Variants in TWF1 observed in about 807,000 individuals in gnomAD.
TWF1 encodes the protein twinfilin actin binding protein 1.
A neutral mutation model predicts 47.9 loss-of-function variants in TWF1; 14 were observed. The observed-to-expected ratio is 0.29, with a 90% CI of 0.19 to 0.46. TWF1 has a LOEUF of 0.46. TWF1 is among the 20% of genes least tolerant of loss of function. The probability of loss-of-function intolerance (pLI) is 1.00; values close to 1 mark genes in which losing one functional copy is unlikely to be tolerated. For missense variants in TWF1, 281 were observed against 409.3 expected, an observed-to-expected ratio of 0.69 and a Z score of 2.70; for synonymous variants, 96 against 139.2, an observed-to-expected ratio of 0.69 and a Z score of 2.18.
In TWF1 at chr12:43,797,442, A is replaced by T. The variant is rs376826751; in HGVS notation, c.620T>A (p.Ile207Lys). The change falls in exon 7 of 9, where the codon ATA (isoleucine) becomes AAA (lysine). Residue 207 changes from isoleucine (I) to lysine (K), a missense_variant. Coordinates refer to ENST00000395510, the MANE Select transcript of TWF1 (RefSeq NM_002822.5). ...GGCCAAAATTATAATTTCATTTTTT[A>T]TATCTATTTCCTGCCAATAAGAAAC... ...QLNYVQLEID[I>K]KNEIIILANT... is the part of the protein sequence containing the mutation. 3.1e-5 allele frequency: 49 copies of T among 1,590,232 alleles called. No homozygotes were observed. The highest frequency in any genetic ancestry group is 3.6e-5 in the Non-Finnish European group (42 of 1,167,468).
At chr12:43,798,357 T>G (rs1179946179) in intron 5 of TWF1, among the ~76,000 whole-genome samples, 1 of 152,110 alleles carries the variant, frequency 6.6e-6, no homozygotes, top group Non-Finnish European at 1.5e-5. Flanking sequence ...GGTGTGCATG[T>G]ACTGGAAGAG....
intron 5 of TWF1, chr12:43,798,701 T>C (rs1942603907): frequency 8.7e-7 from 1 of 1,151,318 alleles, no homozygotes; most frequent in South Asian, 1.6e-5. Context: ...TGCTACCAGT[T>C]TAATATTAAA....
intron 1 of TWF1, chr12:43,805,879 C>G (rs369068734): frequency 2.8e-6 from 4 of 1,446,528 alleles, no homozygotes; most frequent in Non-Finnish European, 3.7e-6. Flanking sequence ...ACTGTCCCAG[C>G]TCTTCCCTAC....
chr12:43,795,543 G>A lies in TWF1; in HGVS notation c.*42C>T, dbSNP rs1266925514. On this transcript the variant is annotated 3_prime_UTR_variant, in exon 9 of 9. Coordinates refer to ENST00000395510, the MANE Select transcript of TWF1 (RefSeq NM_002822.5). The stretch of plus-strand genomic sequence containing the variant: ...TTCAGTTCTCCTGTACTAAAAGCTG[G>A]ACTTTTAAAAAACTAGTATTACAAT... 1 of 1,572,036 alleles carries A rather than the reference G, an allele frequency of 6.4e-7. No homozygotes were observed.
At chr12:43,805,473 G>A in intron 1 of TWF1, 1 of 450,078 alleles carries the variant, frequency 2.2e-6, no homozygotes, top group South Asian at 1.6e-5. Flanking sequence ...CTCGTTAAGT[G>A]ATCGCGAGTA....
chr12:43,806,105 G>T, intron 1 of TWF1, 116 bp downstream of exon 1: 1 of 1,522,544 alleles, frequency 6.6e-7, no homozygotes, highest in African/African-American at 1.4e-5. Context: ...CTCGCCCCGC[G>T]AGACCGACTT....
intron 2 of TWF1, among the ~76,000 whole-genome samples, chr12:43,803,365 T>A (rs1942697586): frequency 6.6e-6 from 1 of 152,056 alleles, no homozygotes; most frequent in Non-Finnish European, 1.5e-5. Flanking sequence ...AGCAAAATTG[T>A]TTAAAGGGGA....
At chr12:43,797,918 G>A in intron 5 of TWF1, 85 bp from the exon 6 acceptor site, 6 of 1,405,068 alleles carry the variant, frequency 4.3e-6, no homozygotes, top group Middle Eastern at 1.8e-4. Context: ...CTATAAAATA[G>A]TATCATTCAA....
rs1942644448 is a variant in TWF1, at chr12:43,800,705, A to G, written c.283-175T>C. On this transcript the variant is annotated intron_variant, in intron 3 of 8. Coordinates refer to ENST00000395510, the MANE Select transcript of TWF1 (RefSeq NM_002822.5). ...ACAAATAACCGTCATTAACATGGGC[A>G]TCTAAACTATCAATGGTTAGTAAGA... is the stretch of plus-strand genomic sequence containing the variant. 2.0e-5 allele frequency among the ~76,000 whole-genome samples: 3 copies of G among 152,236 alleles called. No homozygotes were observed. The South Asian group carries it at 6.2e-4, about 31-fold the overall frequency.
At chr12:43,805,884 C>G (rs1212270093) in intron 1 of TWF1, 2 of 1,453,884 alleles carry the variant, frequency 1.4e-6, no homozygotes, top group Non-Finnish European at 1.8e-6. Flanking sequence ...CCCAGCTCTT[C>G]CCTACGTGAC....
chr12:43,802,535 G>A, intron 2 of TWF1, 71 bp from the exon 3 acceptor site: 2 of 1,117,024 alleles, frequency 1.8e-6, no homozygotes, highest in Non-Finnish European at 2.6e-6. Context: ...ATGAAGACTA[G>A]AAAAATAAAT....
At chr12:43,799,584 T>C (rs1345462316) in intron 4 of TWF1, 82 bp from the exon 5 acceptor site, 5 of 659,612 alleles carry the variant, frequency 7.6e-6, no homozygotes, top group Non-Finnish European at 1.2e-5. Context: ...AACAAAATCA[T>C]TAACAGAAAA....
In TWF1 at chr12:43,804,527, T is replaced by G; in HGVS notation, c.71A>C (p.Lys24Thr). The G allele has an allele frequency of 1.2e-6, 2 of 1,602,098 alleles. No individual in the cohort carries two copies. The highest frequency in any genetic ancestry group is 1.7e-6 in the Non-Finnish European group (2 of 1,175,154). The change falls in exon 2 of 9, where the codon AAG (lysine) becomes ACG (threonine). Residue 24 changes from lysine (K) to threonine (T), a missense_variant. Coordinates refer to ENST00000395510, the MANE Select transcript of TWF1 (RefSeq NM_002822.5). ...AATAGATATTTTCAGAAGTCTGTACTTTCCATTTCTGGCTCTGGCAAAGAT... is the reference window on the plus strand; with the variant it reads ...AATAGATATTTTCAGAAGTCTGTACGTTCCATTTCTGGCTCTGGCAAAGAT... ...KEIFARARNG[K>T]YRLLKISIEN...
chr12:43,802,516 G>T, intron 2 of TWF1, 52 bp from the exon 3 acceptor site: 1 of 1,331,322 alleles, frequency 7.5e-7, no homozygotes, highest in Non-Finnish European at 1.1e-6. Flanking sequence ...GATATCAAGT[G>T]GTAGTGTGAT....
At chr12:43,798,315 C>T (rs1190534409) in intron 5 of TWF1, among the ~76,000 whole-genome samples, 1 of 152,024 alleles carries the variant, frequency 6.6e-6, no homozygotes, top group Non-Finnish European at 1.5e-5. Flanking sequence ...TGCAGAAGTT[C>T]CAGACTTAAG....
chr12:43,806,173 G>GGCTCTCCCA (rs1942767484), intron 1 of TWF1, 48 bp downstream of exon 1: 6 of 1,537,380 alleles, frequency 3.9e-6, no homozygotes, highest in Non-Finnish European at 5.2e-6. Context: ...CGGCTCTCCC[G>GGCTCTCCCA]GCTCTCCCGG....
At chr12:43,800,827 T>G (rs1393389301) in intron 3 of TWF1, among the ~76,000 whole-genome samples, 1 of 152,180 alleles carries the variant, frequency 6.6e-6, no homozygotes, top group Non-Finnish European at 1.5e-5. Flanking sequence ...CTCAGCTCAC[T>G]GCAACCTCTG....
rs1259098005 is a variant in TWF1 at position 43,797,282 on chromosome 12, A to AAAAAC, written c.760+15_760+19dup. ...ATAAACAAACTGAAAGTAATGTGTT[A>AAAAAC]AAAACAATGTATCATATACCTATGG... On this transcript the variant is annotated intron_variant, in intron 7 of 8. Transcript: ENST00000395510. The AAAAAC allele has an allele frequency of 2.6e-6, 4 of 1,563,562 alleles. No individual in the cohort carries two copies. In the African/African-American group the frequency reaches 5.5e-5, roughly 21 times the overall value.
In TWF1 at chr12:43,797,790, T is replaced by C; in HGVS notation, c.527A>G (p.Gln176Arg). Residue 176 changes from glutamine to arginine, a missense_variant, in exon 6 of 9, where the codon CAA becomes CGA. Gln to Arg is a conservative substitution (Grantham distance 43). Coordinates refer to ENST00000395510, the MANE Select transcript of TWF1 (RefSeq NM_002822.5). ...TCGAGAAATGGGAAATGCTACTCCTTGTAGTGTTTGATGCTTAGTGTCCAC... is the reference window on the plus strand; with the variant it reads ...TCGAGAAATGGGAAATGCTACTCCTCGTAGTGTTTGATGCTTAGTGTCCAC... ...VGVDTKHQTL[Q>R]GVAFPISREA... 1 of 1,613,444 alleles carries C rather than the reference T, an allele frequency of 6.2e-7. No individual in the cohort carries two copies. Among genetic ancestry groups the C allele is most frequent in the South Asian group, 1.1e-5 (1 of 91,066 alleles).
Sources: allele counts gnomAD v4.1 joint callset (sites outside exome capture counted in the v4.1 genomes callset), GRCh38; gene constraint gnomAD v4.1.1; transcripts MANE v1.5; gene names NCBI Gene and HGNC (gene_info 2026-07-23, HGNC 2026-07-21).